Variants in SANBR observed in about 807,000 individuals in gnomAD.
SANBR encodes SANT and BTB domain regulator of CSR, also known as SANT and BTB domain regulator of class switch recombination.
Under a neutral mutation model 101.8 loss-of-function variants are expected in SANBR, and 77 were observed. The observed-to-expected ratio is 0.76, with a 90% CI of 0.63 to 0.91. The LOEUF (loss-of-function observed/expected upper bound fraction) is 0.91. Among genes scored for constraint, SANBR ranks in the 40% least tolerant of loss-of-function variants. SANBR has a pLI of 0.00. For synonymous variants in SANBR, 279 were observed against 274.7 expected (o/e 1.02, Z -0.15); for missense variants, 875 against 853.0 (o/e 1.03, Z -0.32).
intron 17 of SANBR, 126 bp from the exon 18 acceptor site, chr2:61,117,231 G>A (rs1436016003): frequency 1.2e-6 from 1 of 846,876 alleles, no homozygotes; most frequent in Non-Finnish European, 2.0e-6. Flanking sequence ...AAATGAAATA[G>A]CACTTGTAAT....
In SANBR at chr2:61,123,073, T is replaced by G. The variant is rs1057175413; in HGVS notation, c.*911T>G. 5.2e-5 allele frequency: 50 copies of G among 970,342 alleles called. No individual in the cohort carries two copies. The highest frequency in any genetic ancestry group is 5.9e-5 in the Non-Finnish European group (48 of 816,208). 60.1% of individuals were successfully genotyped at this position (970,342 alleles called of 1,614,324 possible). ...TAGATAGGTGAAAATTTGCATATAT[T>G]CAAGAAAAATCAAAATAAAATTCTA... On this transcript the variant is annotated 3_prime_UTR_variant, in exon 22 of 22. Coordinates refer to ENST00000402291, the MANE Select transcript of SANBR (RefSeq NM_001129993.3).
At chr2:61,106,537 C>T (rs933502329) in intron 13 of SANBR, 26 bp from the exon 14 acceptor site, 1 of 1,427,448 alleles carries the variant, frequency 7.0e-7, no homozygotes, top group Non-Finnish European at 9.7e-7. Context: ...AAACTCTTCT[C>T]CGTAAAAATG....
chr2:61,076,681 T>C (rs1681803113), intron 5 of SANBR, among the ~76,000 whole-genome samples: 1 of 151,758 alleles, frequency 6.6e-6, no homozygotes, highest in Admixed American at 6.6e-5. Context: ...CTGTGTAAAT[T>C]ATTTGTCCTG....
Position 61,109,607 on chromosome 2 carries a change from CAAAT to C in SANBR, c.1744+312_1744+315del, listed in dbSNP as rs1344455690. Among the ~76,000 whole-genome samples the C allele has an allele frequency of 2.7e-5, 4 of 148,554 alleles. No homozygotes were observed. The East Asian group carries it at 8.0e-4, about 30-fold the overall frequency. Reference sequence around the variant, plus strand: ...AGCTGAGATGATTTGGAGTGATACTCAAATGAACCATTAAATAACATTCATCAAT... The same window carrying C: ...AGCTGAGATGATTTGGAGTGATACTCGAACCATTAAATAACATTCATCAAT... On this transcript the variant is annotated intron_variant, in intron 16 of 21. Coordinates refer to ENST00000402291, the MANE Select transcript of SANBR (RefSeq NM_001129993.3).
At chr2:61,125,858 A>G (rs532503500), downstream of SANBR, among the ~76,000 whole-genome samples, 4 of 152,316 alleles carry the variant, frequency 2.6e-5, no homozygotes, top group South Asian at 4.1e-4. Flanking sequence ...AGTGAGGCAT[A>G]GTAAACTACA....
Position 61,117,449 on chromosome 2 carries a change from G to A in SANBR, c.1866-18G>A. 3.7e-6 allele frequency: 6 copies of A among 1,613,480 alleles called. No individual in the cohort carries two copies. The highest frequency in any genetic ancestry group is 5.1e-6 in the Non-Finnish European group (6 of 1,179,580). ...TAAAGAAGCATCAATGCTGATTTTT[G>A]TTCAATTTTTTCAATAGTATGAGTA... On this transcript the variant is annotated intron_variant, in intron 18 of 21. Coordinates refer to ENST00000402291, the MANE Select transcript of SANBR (RefSeq NM_001129993.3).
At chr2:61,124,351 T>G, downstream of SANBR, 1 of 685,704 alleles carries the variant, frequency 1.5e-6, no homozygotes, top group Non-Finnish European at 1.8e-6. Context: ...AGCTCTAGAT[T>G]CCACAGGTTT....
rs1015451491 is a variant in SANBR, at chr2:61,122,429, A to G, written c.*267A>G. ...TTATTTACAAATTTGCATAGTTGAG[A>G]CTCCCAGTGTTTTCCTTTATTTATT... On this transcript the variant is annotated 3_prime_UTR_variant, in exon 22 of 22. Transcript: ENST00000402291. The G allele has an allele frequency of 8.6e-7, 1 of 1,166,920 alleles. No individual in the cohort carries two copies. The allele number at this position is 1,166,920 out of a possible 1,614,324, so 72.3% of individuals were successfully genotyped here. A position where few individuals can be genotyped will look rare whatever the true frequency, so the allele number is the denominator to read the frequency against.
chr2:61,105,279 G>A (rs1003062139), intron 13 of SANBR, among the ~76,000 whole-genome samples: 1 of 151,844 alleles, frequency 6.6e-6, no homozygotes, highest in Admixed American at 6.6e-5. Context: ...GGCAGGAGAA[G>A]TGCTTGAACC....
rs773310786 is a variant in SANBR at position 61,077,139 on chromosome 2, T to C, written c.651T>C (p.Asp217=). 4.4e-6 allele frequency: 7 copies of C among 1,604,672 alleles called. No homozygotes were observed. Among genetic ancestry groups the C allele is most frequent in the South Asian group, 1.1e-5 (1 of 90,364 alleles). The change falls in exon 6 of 22, where the codon GAT becomes GAC. Residue 217 remains aspartate (D), a synonymous_variant. Coordinates refer to ENST00000402291, the MANE Select transcript of SANBR (RefSeq NM_001129993.3). ...AAAGGAACACTAAGGAGAATAAAGA[T>C]TGTGAGATGCCCACTTTAGGTAAAA... The part of the protein sequence containing the change: ...YIKRNTKENK[D]CEMPTLEPGN...
At chr2:61,131,783 C>T (rs1684695607) in intron 20 of SANBR, among the ~76,000 whole-genome samples, 1 of 152,182 alleles carries the variant, frequency 6.6e-6, no homozygotes, top group African/African-American at 2.4e-5. Context: ...TTCCCATTTC[C>T]AATCTTACTA....
chr2:61,066,688 G>A (rs1000562233), intron 1 of SANBR, among the ~76,000 whole-genome samples: 5 of 152,120 alleles, frequency 3.3e-5, no homozygotes, highest in African/African-American at 1.2e-4. Flanking sequence ...ACTGGCTAAG[G>A]GAAAACGTCT....
At position 61,093,584 on chromosome 2, in the gene SANBR, ACT is replaced by A. The variant is rs1222888803; in HGVS notation, c.1212+1000_1212+1001del. Reference sequence around the variant, plus strand: ...CACTCCAGTCTGGGAAAGGAGGGAAACTCTGTCTCAAAAGAGAAAAAAAAAAA... The same window carrying A: ...CACTCCAGTCTGGGAAAGGAGGGAAACTGTCTCAAAAGAGAAAAAAAAAAA... On this transcript the variant is annotated intron_variant, in intron 11 of 21. Coordinates refer to ENST00000402291, the MANE Select transcript of SANBR (RefSeq NM_001129993.3). Among the ~76,000 whole-genome samples, 5 of 152,018 alleles carry A rather than the reference ACT, an allele frequency of 3.3e-5. No individual in the cohort carries two copies. In the South Asian group the frequency reaches 6.2e-4, roughly 19 times the overall value.
At chr2:61,106,522 A>C (rs543623110) in intron 13 of SANBR, 41 bp from the exon 14 acceptor site, 2 of 1,355,558 alleles carry the variant, frequency 1.5e-6, no homozygotes, top group East Asian at 4.6e-5. Context: ...AATTTTTAAG[A>C]AAGTAAACTC....
chr2:61,116,106 G>T, intron 17 of SANBR, 36 bp downstream of exon 17: 1 of 1,384,390 alleles, frequency 7.2e-7, no homozygotes, highest in South Asian at 1.2e-5. Context: ...AGTTCATATG[G>T]AAAAATAAGC....
chr2:61,116,615 T>C (rs1331697022), intron 17 of SANBR, among the ~76,000 whole-genome samples: 3 of 152,156 alleles, frequency 2.0e-5, no homozygotes, highest in Non-Finnish European at 4.4e-5. Flanking sequence ...ATAACCACCA[T>C]TGGCTAAAAG....
At chr2:61,137,244 T>G (rs1243293786) in intron 21 of SANBR, among the ~76,000 whole-genome samples, 1 of 152,020 alleles carries the variant, frequency 6.6e-6, no homozygotes, top group Non-Finnish European at 1.5e-5. Context: ...TGCCACTGTA[T>G]TCCAGTCTCC....
At chr2:61,097,139 G>GC (rs1324332878) in intron 11 of SANBR, among the ~76,000 whole-genome samples, 1 of 152,194 alleles carries the variant, frequency 6.6e-6, no homozygotes, top group Non-Finnish European at 1.5e-5. Context: ...GGGCAACAGA[G>GC]CGAGATTCCA....
chr2:61,112,095 T>C (rs931888849), intron 16 of SANBR, among the ~76,000 whole-genome samples: 1 of 152,146 alleles, frequency 6.6e-6, no homozygotes, highest in African/African-American at 2.4e-5. Flanking sequence ...ATATGGTAAG[T>C]GTATGTTTCA....
Sources: allele counts gnomAD v4.1 joint callset (sites outside exome capture counted in the v4.1 genomes callset), GRCh38; gene constraint gnomAD v4.1.1; transcripts MANE v1.5; gene names NCBI Gene and HGNC (gene_info 2026-07-23, HGNC 2026-07-21).